Variants in ADGRG6 observed in about 807,000 individuals in gnomAD.
The protein encoded by ADGRG6 is adhesion G protein-coupled receptor G6.
ADGRG6 carries 84 observed loss-of-function variants against 142.4 expected under a neutral mutation model. The ratio of observed to expected loss-of-function variants is 0.59; its 90% CI spans 0.49 to 0.71. The LOEUF (loss-of-function observed/expected upper bound fraction) is 0.71. Among genes scored for constraint, ADGRG6 ranks in the 30% least tolerant of loss-of-function variants. The probability of loss-of-function intolerance (pLI) is 0.00; values close to 1 mark genes in which losing one functional copy is unlikely to be tolerated. For synonymous variants in ADGRG6, 521 were observed against 520.5 expected, an observed-to-expected ratio of 1.00 and a Z score of -0.01; for missense variants, 1,367 against 1,466.6, an observed-to-expected ratio of 0.93 and a Z score of 1.11.
intron 9 of ADGRG6, 27 bp downstream of exon 9, chr6:142,393,985 TA>T: frequency 2.9e-6 from 4 of 1,379,416 alleles, no homozygotes; most frequent in Non-Finnish European, 4.0e-6. Flanking sequence ...TTGTAAAGAG[TA>T]TAACATTCTT....
intron 6 of ADGRG6, among the ~76,000 whole-genome samples, chr6:142,387,999 G>C (rs909544317): frequency 6.6e-6 from 1 of 152,182 alleles, no homozygotes; most frequent in African/African-American, 2.4e-5. Context: ...AACACCGTGA[G>C]TGTTGTTAAC....
At chr6:142,433,334 C>T (rs952545562) in intron 22 of ADGRG6, among the ~76,000 whole-genome samples, 35 of 152,192 alleles carry the variant, frequency 2.3e-4, no homozygotes, top group Admixed American at 2.0e-3. Flanking sequence ...GTAACCAATT[C>T]GAATTATTTA....
chr6:142,311,004 C>T (rs1395568998), intron 2 of ADGRG6, among the ~76,000 whole-genome samples: 1 of 151,872 alleles, frequency 6.6e-6, no homozygotes, highest in African/African-American at 2.4e-5. Context: ...CTTCTTGAGA[C>T]CACGGCACCT....
chr6:142,405,323 C>T (rs781065726), intron 14 of ADGRG6: 21 of 460,110 alleles, frequency 4.6e-5, no homozygotes, highest in South Asian at 3.3e-4. Flanking sequence ...TTCTCTCTCC[C>T]TTGCCCCTTT....
intron 2 of ADGRG6, among the ~76,000 whole-genome samples, chr6:142,342,966 A>G (rs1779727682): frequency 1.3e-5 from 2 of 151,800 alleles, no homozygotes; most frequent in Admixed American, 6.6e-5. Context: ...ACTTGCAGAT[A>G]TACATGAATG....
At chr6:142,388,694 T>A (rs1782152364) in intron 6 of ADGRG6, among the ~76,000 whole-genome samples, 1 of 152,096 alleles carries the variant, frequency 6.6e-6, no homozygotes, top group South Asian at 2.1e-4. Flanking sequence ...CTTTATTGAA[T>A]GCTGAACTTA....
intron 22 of ADGRG6, among the ~76,000 whole-genome samples, chr6:142,434,330 T>C (rs1208971432): frequency 1.3e-5 from 2 of 151,380 alleles, no homozygotes; most frequent in South Asian, 2.1e-4. Context: ...CCCAGAATTT[T>C]TTTTTCTTTT....
chr6:142,348,045 G>T (rs924043898), intron 2 of ADGRG6, among the ~76,000 whole-genome samples: 10 of 152,024 alleles, frequency 6.6e-5, no homozygotes, highest in Non-Finnish European at 1.2e-4. Context: ...AATCAATGAG[G>T]TTTCAGGTAC....
At chr6:142,437,395 G>T in intron 22 of ADGRG6, 39 bp from the exon 23 acceptor site, 1 of 908,180 alleles carries the variant, frequency 1.1e-6, no homozygotes, top group South Asian at 1.4e-5. Flanking sequence ...TTAAAGATGT[G>T]TCAGTTGGCT....
chr6:142,350,211 A>C (rs1162784561), intron 2 of ADGRG6, among the ~76,000 whole-genome samples: 10 of 152,222 alleles, frequency 6.6e-5, no homozygotes, highest in Admixed American at 6.5e-4. Context: ...TAGGCACTTG[A>C]AAATTTACTT....
chr6:142,389,820 T>C (rs1004730454), intron 6 of ADGRG6, among the ~76,000 whole-genome samples: 1 of 151,842 alleles, frequency 6.6e-6, no homozygotes, highest in African/African-American at 2.4e-5. Flanking sequence ...TGTTCTGCTT[T>C]TTCAAGTTAA....
chr6:142,416,400 C>T (rs1481697567), intron 20 of ADGRG6, among the ~76,000 whole-genome samples: 1 of 152,148 alleles, frequency 6.6e-6, no homozygotes, highest in Non-Finnish European at 1.5e-5. Flanking sequence ...CTTTAAAATA[C>T]AAAGGCCAGC....
At chr6:142,419,151 G>T (rs1201546339) in intron 21 of ADGRG6, among the ~76,000 whole-genome samples, 1 of 152,086 alleles carries the variant, frequency 6.6e-6, no homozygotes. Context: ...TGTGACTTAA[G>T]TGAGTAGGAG....
intron 15 of ADGRG6, among the ~76,000 whole-genome samples, chr6:142,407,061 G>T (rs1775839210): frequency 6.6e-6 from 1 of 151,502 alleles, no homozygotes; most frequent in Non-Finnish European, 1.5e-5. Flanking sequence ...CTGGCCAGGC[G>T]CAGTGCCTCG....
chr6:142,307,629 C>T (rs1384298533), intron 1 of ADGRG6, among the ~76,000 whole-genome samples: 3 of 151,932 alleles, frequency 2.0e-5, no homozygotes, highest in Non-Finnish European at 4.4e-5. Context: ...AGTACTTGCC[C>T]TACAAACCAC....
In ADGRG6 at chr6:142,381,999, A is replaced by T; in HGVS notation, c.1118A>T (p.Asp373Val). ...LPAAELASCA[D>V]LGTLCQATVN... ...GCAGCAGAACTGGCCAGCTGTGCAG[A>T]CCTGGGGACCCTCTGTCAAGGTAGG... is the stretch of plus-strand genomic sequence containing the variant. Residue 373 changes from aspartate (D) to valine (V), a missense_variant, in exon 5 of 25, where the codon GAC (aspartate) becomes GTC (valine). Physicochemically the swap from Asp to Val is radical, Grantham distance 152. This residue lies in a region of ADGRG6 where 737 missense variants were observed against 746.5 expected (regional missense o/e 0.99). Transcript: ENST00000367609. The T allele has an allele frequency of 1.2e-6, 2 of 1,605,452 alleles. No individual in the cohort carries two copies. The highest frequency in any genetic ancestry group is 1.7e-6 in the Non-Finnish European group (2 of 1,174,408).
intron 7 of ADGRG6, among the ~76,000 whole-genome samples, chr6:142,392,209 A>G (rs1774930025): frequency 6.6e-6 from 1 of 151,960 alleles, no homozygotes; most frequent in Non-Finnish European, 1.5e-5. Flanking sequence ...AACAAGGCCT[A>G]AATCACTATT....
At chr6:142,395,193 T>C (rs908340146) in intron 9 of ADGRG6, among the ~76,000 whole-genome samples, 2 of 152,210 alleles carry the variant, frequency 1.3e-5, no homozygotes, top group African/African-American at 4.8e-5. Context: ...AACTTGTTTT[T>C]ATTTTCTGGT....
chr6:142,365,995 G>T (rs1780927198), intron 2 of ADGRG6, among the ~76,000 whole-genome samples: 1 of 152,142 alleles, frequency 6.6e-6, no homozygotes, highest in Non-Finnish European at 1.5e-5. Context: ...GAAAGTTTAT[G>T]TGTCCATTTA....
Sources: gnomAD v4.1 joint callset for allele counts (sites outside exome capture counted in the v4.1 genomes callset) on GRCh38, gnomAD v4.1.1 for gene constraint, gnomAD v4.1.1 regional missense constraint, MANE v1.5 for transcripts, NCBI Gene and HGNC (gene_info 2026-07-23, HGNC 2026-07-21) for gene names.